The following ARHGAP44 variants were observed in gnomAD, a reference collection of about 807,000 sequenced individuals.
ARHGAP44 encodes Rho GTPase activating protein 44.
Under a neutral mutation model 106.8 loss-of-function variants are expected in ARHGAP44, and 43 were observed. That is an observed-to-expected ratio of 0.40 (90% CI 0.32 to 0.52). The LOEUF is 0.52. ARHGAP44 is among the 20% of genes least tolerant of loss of function. The probability of loss-of-function intolerance (pLI) is 0.48; values close to 1 mark genes in which losing one functional copy is unlikely to be tolerated. For synonymous variants in ARHGAP44, 439 were observed against 410.3 expected (o/e 1.07, Z -0.85); for missense variants, 866 against 1,050.5 (o/e 0.82, Z 2.43).
intron 10 of ARHGAP44, among the ~76,000 whole-genome samples, chr17:12,944,906 C>G (rs945706853): frequency 3.9e-5 from 6 of 151,958 alleles, no homozygotes; most frequent in African/African-American, 1.5e-4. Context: ...GGTTAAGGCT[C>G]TTAAACTTTT....
chr17:12,944,567 C>T (rs1183218545), intron 10 of ARHGAP44, among the ~76,000 whole-genome samples: 2 of 151,996 alleles, frequency 1.3e-5, no homozygotes, highest in East Asian at 3.9e-4. Flanking sequence ...TTCACTGCAA[C>T]CTCTGCCTCC....
Position 12,941,252 on chromosome 17 carries a change from T to C in ARHGAP44, c.651+128T>C, listed in dbSNP as rs924860718. 14 of 768,200 alleles carry C rather than the reference T, an allele frequency of 1.8e-5. No homozygotes were observed. In the African/African-American group the frequency reaches 2.5e-4, roughly 14 times the overall value. The allele number at this position is 768,200 out of a possible 1,614,324, so 47.6% of individuals were successfully genotyped here. A position where few individuals can be genotyped will look rare whatever the true frequency, so the allele number is the denominator to read the frequency against. The stretch of plus-strand genomic sequence containing the variant: ...GTGGGAGCTTTGACCATTTTACTAG[T>C]GAAATAAATCCTGCCATGCTCCTGA... On this transcript the variant is annotated intron_variant, in intron 8 of 20. Transcript: ENST00000379672.
chr17:12,904,600 A>G (rs1034885035), intron 3 of ARHGAP44, among the ~76,000 whole-genome samples: 1 of 152,230 alleles, frequency 6.6e-6, no homozygotes, highest in African/African-American at 2.4e-5. Context: ...AACCATTAAA[A>G]TAAAAGAACA....
intron 1 of ARHGAP44, among the ~76,000 whole-genome samples, chr17:12,884,578 G>C (rs2036830089): frequency 6.6e-6 from 1 of 151,908 alleles, no homozygotes; most frequent in South Asian, 2.1e-4. Flanking sequence ...CTTTTTTGTA[G>C]ACTCTTATTT....
intron 1 of ARHGAP44, among the ~76,000 whole-genome samples, chr17:12,840,253 G>A (rs1000159987): frequency 3.9e-5 from 6 of 151,980 alleles, no homozygotes; most frequent in Non-Finnish European, 5.9e-5. Context: ...TCCCTCCATT[G>A]TTTCAGTCTG....
Position 12,948,995 on chromosome 17 carries a change from A to G in ARHGAP44, c.862-145A>G, listed in dbSNP as rs2038929804. On this transcript the variant is annotated intron_variant, in intron 10 of 20. Transcript: ENST00000379672. ...TGTGCCAAGAGGGAGACATTGAGAA[A>G]GCAGGCAACTGGGGGATTGGGAGAT... 6.3e-6 allele frequency: 5 copies of G among 799,974 alleles called. No individual in the cohort carries two copies. In the East Asian group the frequency reaches 1.1e-4, roughly 17 times the overall value. The allele number at this position is 799,974 out of a possible 1,614,324, so 49.6% of individuals were successfully genotyped here.
At chr17:12,908,070 A>G (rs970514393) in intron 3 of ARHGAP44, among the ~76,000 whole-genome samples, 1 of 150,948 alleles carries the variant, frequency 6.6e-6, no homozygotes, top group African/African-American at 2.4e-5. Context: ...TTATCTTTTC[A>G]TGTGCTCTTT....
intron 1 of ARHGAP44, among the ~76,000 whole-genome samples, chr17:12,832,989 G>A (rs141281741): frequency 6.6e-6 from 1 of 152,340 alleles, no homozygotes; most frequent in East Asian, 1.9e-4. Context: ...GCTATTCTCT[G>A]TTTCACTCAT....
chr17:12,979,056 G>GCC (rs1015687282), intron 18 of ARHGAP44, among the ~76,000 whole-genome samples: 17 of 152,166 alleles, frequency 1.1e-4, no homozygotes, highest in African/African-American at 4.1e-4. Flanking sequence ...GACTCTTCAT[G>GCC]CCCCACCTGT....
At chr17:12,989,798 C>T (rs2143500585) in intron 20 of ARHGAP44, among the ~76,000 whole-genome samples, 1 of 152,278 alleles carries the variant, frequency 6.6e-6, no homozygotes, top group South Asian at 2.1e-4. Context: ...TTCCTCTGAA[C>T]CACAGTGGCG....
intron 1 of ARHGAP44, among the ~76,000 whole-genome samples, chr17:12,855,464 T>C (rs575795950): frequency 6.6e-6 from 1 of 152,250 alleles, no homozygotes; most frequent in East Asian, 1.9e-4. Context: ...GGGAAGGCCT[T>C]TCTCACCATA....
intron 1 of ARHGAP44, among the ~76,000 whole-genome samples, chr17:12,881,816 C>T (rs989090500): frequency 1.3e-5 from 2 of 152,120 alleles, no homozygotes; most frequent in African/African-American, 4.8e-5. Context: ...GCCTCAGCCT[C>T]TTGAGCAGCT....
At chr17:12,908,196 T>C (rs1365935002) in intron 3 of ARHGAP44, among the ~76,000 whole-genome samples, 56 of 145,630 alleles carry the variant, frequency 3.8e-4, no homozygotes, top group Non-Finnish European at 4.7e-4. Context: ...CATTTCTTTT[T>C]TTTTTTTTTT....
chr17:12,818,165 C>A (rs963371138), intron 1 of ARHGAP44, among the ~76,000 whole-genome samples: 19 of 151,722 alleles, frequency 1.3e-4, no homozygotes, highest in Non-Finnish European at 2.5e-4. Context: ...TTATTTACCC[C>A]AGTAATGTAT....
chr17:12,882,484 G>A (rs1374822036), intron 1 of ARHGAP44, among the ~76,000 whole-genome samples: 2 of 151,914 alleles, frequency 1.3e-5, no homozygotes, highest in African/African-American at 2.4e-5. Context: ...AGTAATAGTG[G>A]GAATCCTTGT....
At chr17:12,827,290 C>G (rs2034949140) in intron 1 of ARHGAP44, among the ~76,000 whole-genome samples, 1 of 152,082 alleles carries the variant, frequency 6.6e-6, no homozygotes, top group South Asian at 2.1e-4. Context: ...ATATATTTCA[C>G]TGCTTTTCAC....
At chr17:12,950,212 A>G (rs1242207241) in intron 12 of ARHGAP44, among the ~76,000 whole-genome samples, 2 of 152,248 alleles carry the variant, frequency 1.3e-5, no homozygotes, top group African/African-American at 4.8e-5. Context: ...GTAGGCTGAC[A>G]GCAGTGATTC....
At chr17:12,855,789 T>C (rs4792294) in intron 1 of ARHGAP44, among the ~76,000 whole-genome samples, 105,572 of 152,136 alleles carry the variant, frequency 0.69, 36,874 homozygotes, top group East Asian at 0.79. Context: ...TGTGATGAAG[T>C]GTCTAGCAGA....
At chr17:12,896,973 T>G (rs959055747) in intron 3 of ARHGAP44, among the ~76,000 whole-genome samples, 3 of 152,216 alleles carry the variant, frequency 2.0e-5, no homozygotes, top group Non-Finnish European at 4.4e-5. Flanking sequence ...GTTTTCGCCC[T>G]AATGAGACAC....
Sources: gnomAD v4.1 joint callset for allele counts (sites outside exome capture counted in the v4.1 genomes callset) on GRCh38, gnomAD v4.1.1 for gene constraint, MANE v1.5 for transcripts, NCBI Gene and HGNC (gene_info 2026-07-23, HGNC 2026-07-21) for gene names.